Variants in SEMA5B observed in about 807,000 individuals in gnomAD.
The protein encoded by SEMA5B is semaphorin-5B.
SEMA5B carries 66 observed loss-of-function variants against 135.0 expected under a neutral mutation model. The observed-to-expected ratio is 0.49, with a 90% CI of 0.40 to 0.60. The LOEUF is 0.60. Among genes scored for constraint, SEMA5B ranks in the 20% least tolerant of loss-of-function variants. The pLI, the probability that SEMA5B is intolerant of heterozygous loss-of-function variation, is 0.00. For synonymous variants in SEMA5B, 690 were observed against 639.5 expected (o/e 1.08, Z -1.19); for missense variants, 1,501 against 1,566.3 (o/e 0.96, Z 0.70).
intron 1 of SEMA5B, among the ~76,000 whole-genome samples, chr3:123,008,322 A>T (rs1004505016): frequency 1.3e-5 from 2 of 152,274 alleles, no homozygotes; most frequent in Non-Finnish European, 1.5e-5. Context: ...CCTGCTTAGA[A>T]TATAAACTCC....
chr3:122,927,511 C>T (rs998664312), intron 8 of SEMA5B, among the ~76,000 whole-genome samples: 4 of 152,136 alleles, frequency 2.6e-5, no homozygotes, highest in African/African-American at 7.2e-5. Context: ...TTTTCTTATC[C>T]ATAACTTGTT....
intron 1 of SEMA5B, among the ~76,000 whole-genome samples, chr3:123,007,166 G>A (rs55843800): frequency 0.32 from 48,208 of 151,944 alleles, 12,789 homozygotes; most frequent in African/African-American, 0.73. Context: ...ATGCACACGG[G>A]TCTTGCTCTT....
intron 12 of SEMA5B, 132 bp downstream of exon 12, chr3:122,921,783 T>C: frequency 1.6e-6 from 1 of 633,516 alleles, no homozygotes; most frequent in South Asian, 2.3e-5. Context: ...TTCAGCGAGG[T>C]GGAGTGACTT....
intron 2 of SEMA5B, 67 bp downstream of exon 2, chr3:122,961,073 C>T (rs1940552672): frequency 1.3e-6 from 2 of 1,484,212 alleles, no homozygotes; most frequent in East Asian, 2.3e-5. Context: ...ATGAGGGGGT[C>T]TTCTCCCTGC....
At chr3:123,019,724 A>T (rs1942635180) in intron 1 of SEMA5B, among the ~76,000 whole-genome samples, 1 of 152,240 alleles carries the variant, frequency 6.6e-6, no homozygotes. Context: ...ACGGAACACT[A>T]GCTGGAAGGC....
chr3:123,028,553 T>A (rs1020528537), upstream of SEMA5B: 1 of 152,082 alleles, frequency 6.6e-6, no homozygotes, highest in Non-Finnish European at 1.5e-5. Flanking sequence ...GGTGGAGCGT[T>A]CTCAGCTGAG....
rs539645353 is a variant in SEMA5B, at chr3:122,920,930, T to C, written c.1688+985A>G. 2.6e-5 allele frequency among the ~76,000 whole-genome samples: 4 copies of C among 152,318 alleles called. No homozygotes were observed. The South Asian group carries it at 6.2e-4, about 24-fold the overall frequency. ...AACATGGTATGTCTTAGTAAGTGTG[T>C]GGTGTCTCGCTGATGGAGACTTGTG... On this transcript the variant is annotated intron_variant, in intron 12 of 22. Coordinates refer to ENST00000357599, the MANE Select transcript of SEMA5B (RefSeq NM_001031702.4).
chr3:122,919,174 ATC>A (rs1938228312), intron 12 of SEMA5B, among the ~76,000 whole-genome samples: 1 of 151,898 alleles, frequency 6.6e-6, no homozygotes, highest in Non-Finnish European at 1.5e-5. Context: ...TGGAAAAGGT[ATC>A]TCTGAAGCTT....
In SEMA5B at chr3:122,912,845, G is replaced by A; in HGVS notation, c.2723C>T (p.Pro908Leu). ...EYQDCNPQAC[P>L]VRGAWSCWTS... Reference sequence around the variant, plus strand: ...GGATTCCTTCCGTGCAGGGTTACCTGGGCAAGCCTGGGGGTTGCAGTCCTG... The same window carrying A: ...GGATTCCTTCCGTGCAGGGTTACCTAGGCAAGCCTGGGGGTTGCAGTCCTG... Residue 908 changes from proline to leucine, a missense_variant and splice_region_variant, in exon 18 of 23, where the codon CCA becomes CTA. This residue lies in a region of SEMA5B where 927 missense variants were observed against 881.6 expected (regional missense o/e 1.05). Coordinates refer to ENST00000357599, the MANE Select transcript of SEMA5B (RefSeq NM_001031702.4). 1.9e-6 allele frequency: 3 copies of A among 1,574,086 alleles called. No homozygotes were observed. The highest frequency in any genetic ancestry group is 2.6e-6 in the Non-Finnish European group (3 of 1,158,204).
intron 12 of SEMA5B, among the ~76,000 whole-genome samples, chr3:122,917,050 T>C (rs1274396446): frequency 6.6e-6 from 1 of 152,212 alleles, no homozygotes; most frequent in African/African-American, 2.4e-5. Flanking sequence ...GGAGAAAAAG[T>C]CTGTGGGGAT....
intron 5 of SEMA5B, among the ~76,000 whole-genome samples, chr3:122,933,224 T>C (rs1939072914): frequency 6.6e-6 from 1 of 152,044 alleles, no homozygotes; most frequent in Non-Finnish European, 1.5e-5. Context: ...TTTATTCGCT[T>C]ATTTTGGTGG....
chr3:122,913,373 G>T lies in SEMA5B; in HGVS notation c.2332C>A (p.Pro778Thr), dbSNP rs1358703931. Residue 778 changes from proline to threonine, a missense_variant, in exon 17 of 23, where the codon CCC (proline) becomes ACC (threonine). Pro to Thr is a conservative substitution (Grantham distance 38, BLOSUM62 -1). Around this residue, in one of 2 missense-constraint regions of SEMA5B, gnomAD observed 927 missense variants for 881.6 expected, o/e 1.05. Coordinates refer to ENST00000357599, the MANE Select transcript of SEMA5B (RefSeq NM_001031702.4). ...TTCACGGGCAGCCACGGCGTCCAGG[G>T]GGTGTTGCGCCGCACTTCGGGGCAG... ...EGCPEVRRNT[P>T]WTPWLPVNVT... The T allele has an allele frequency of 1.3e-6, 2 of 1,582,926 alleles. No homozygotes were observed. The highest frequency in any genetic ancestry group is 1.7e-6 in the Non-Finnish European group (2 of 1,170,656).
At position 122,963,501 on chromosome 3, in the gene SEMA5B, AAAAGAAAAAG is replaced by A. The variant is rs541325734; in HGVS notation, c.-38-2210_-38-2201del. On this transcript the variant is annotated intron_variant, in intron 1 of 22. Transcript: ENST00000357599. ...GAGCGAGTCTCTGACTCAAAAAAAAAAAAGAAAAAGAAAAAGAAAAAGAAAAGAAAAAGCT... is the reference window on the plus strand; with the variant it reads ...GAGCGAGTCTCTGACTCAAAAAAAAAAAAAAGAAAAAGAAAAGAAAAAGCT... Among the ~76,000 whole-genome samples the A allele has an allele frequency of 3.9e-3, 522 of 135,334 alleles. 2 individuals are homozygous for A. The highest frequency in any genetic ancestry group is 0.013 in the African/African-American group (450 of 35,630). The allele number at this position is 135,334 out of a possible 152,430, so 88.8% of individuals were successfully genotyped here.
At chr3:122,930,759 C>T (rs893317880) in intron 5 of SEMA5B, among the ~76,000 whole-genome samples, 1 of 152,358 alleles carries the variant, frequency 6.6e-6, no homozygotes, top group East Asian at 1.9e-4. Context: ...CTTTGATCCT[C>T]ACAGAAAACA....
At chr3:122,919,280 C>T (rs1205860606) in intron 12 of SEMA5B, among the ~76,000 whole-genome samples, 2 of 152,118 alleles carry the variant, frequency 1.3e-5, no homozygotes, top group Non-Finnish European at 2.9e-5. Flanking sequence ...TTACCCCTCT[C>T]AAAGGCAGGG....
At position 122,915,617 on chromosome 3, in the gene SEMA5B, C is replaced by G. The variant is rs747465492; in HGVS notation, c.1811G>C (p.Arg604Pro). The G allele has an allele frequency of 6.2e-7, 1 of 1,611,316 alleles. No individual in the cohort carries two copies. The highest frequency in any genetic ancestry group is 1.1e-5 in the South Asian group (1 of 90,786). Residue 604 changes from arginine to proline, a missense_variant, in exon 14 of 23, where the codon CGG becomes CCG. Arg to Pro is a moderately radical substitution (Grantham distance 103, BLOSUM62 -2). Transcript: ENST00000357599. Reference protein sequence around the residue: ...WTQNITACPVRNVTRDGGFGP... With the variant: ...WTQNITACPVPNVTRDGGFGP... ...GAAGCCCCCATCCCGTGTCACATTC[C>G]GCACCTGAAGACACACATGGGAGAC...
intron 2 of SEMA5B, among the ~76,000 whole-genome samples, chr3:122,954,100 A>C (rs894694660): frequency 6.6e-6 from 1 of 152,220 alleles, no homozygotes; most frequent in African/African-American, 2.4e-5. Flanking sequence ...TCTGCTGTCA[A>C]CCAGGGTGGA....
chr3:122,939,254 C>T (rs766937460), intron 5 of SEMA5B, among the ~76,000 whole-genome samples, 171 bp downstream of exon 5: 1 of 152,206 alleles, frequency 6.6e-6, no homozygotes, highest in Admixed American at 6.5e-5. Context: ...ACGTACATTG[C>T]GGGCAGTGAC....
chr3:122,979,795 G>A (rs1941460025), intron 1 of SEMA5B, among the ~76,000 whole-genome samples: 1 of 152,116 alleles, frequency 6.6e-6, no homozygotes, highest in African/African-American at 2.4e-5. Context: ...TGTTTGTTTT[G>A]GCCAAACCAG....
Sources: allele counts gnomAD v4.1 joint callset (sites outside exome capture counted in the v4.1 genomes callset), GRCh38; gene constraint gnomAD v4.1.1; regional missense constraint gnomAD v4.1.1; transcripts MANE v1.5; gene names NCBI Gene and HGNC (gene_info 2026-07-23, HGNC 2026-07-21).